Variants in KLRD1 observed in about 807,000 individuals in gnomAD.
The protein encoded by KLRD1 is natural killer cells antigen CD94.
In KLRD1, 21 loss-of-function variants were observed where a neutral mutation model predicts 22.6. That is an observed-to-expected ratio of 0.93 (90% confidence interval 0.66 to 1.34). The LOEUF (loss-of-function observed/expected upper bound fraction) is 1.34, where lower values mean the gene tolerates loss of function less well. Among genes scored for constraint, KLRD1 ranks in the 40% most tolerant of loss-of-function variants. KLRD1 has a pLI of 0.00. For missense variants in KLRD1, 183 were observed against 208.6 expected (o/e 0.88, Z 0.76); for synonymous variants, 59 against 71.1 (o/e 0.83, Z 0.85).
chr12:10,277,150 T>G (rs1949600147), intron 1 of KLRD1, among the ~76,000 whole-genome samples: 2 of 149,654 alleles, frequency 1.3e-5, no homozygotes, highest in Admixed American at 1.3e-4. Flanking sequence ...ATATTTGATA[T>G]TCCAAAGGTA....
chr12:10,274,619 A>G (rs144394410), intron 1 of KLRD1, among the ~76,000 whole-genome samples: 350 of 152,208 alleles, frequency 2.3e-3, no homozygotes, highest in African/African-American at 7.7e-3. Context: ...CTTTGTCTCT[A>G]TGGGCTGTGT....
At chr12:10,306,764 T>G (rs10845105), upstream of KLRD1, among the ~76,000 whole-genome samples, 142,427 of 152,226 alleles carry the variant, frequency 0.94, 67,398 homozygotes, top group East Asian at 1. Flanking sequence ...AACAAATTTG[T>G]TGGTGCAATG....
chr12:10,246,541 C>T (rs1273925477), intron 1 of KLRD1, among the ~76,000 whole-genome samples: 1 of 152,010 alleles, frequency 6.6e-6, no homozygotes, highest in Non-Finnish European at 1.5e-5. Context: ...AAAACTCTTC[C>T]ACATATCTAC....
rs1293219489 is a variant in KLRD1, at chr12:10,321,487, A to T, written c.*6694A>T. The T allele has an allele frequency of 6.6e-6, 1 of 152,236 alleles. No individual in the cohort carries two copies. Among genetic ancestry groups the T allele is most frequent in the Non-Finnish European group, 1.5e-5 (1 of 68,046 alleles). The allele number at this position is 152,236 out of a possible 1,614,324, so 9.4% of individuals were successfully genotyped here. The stretch of plus-strand genomic sequence containing the variant: ...GGCCAAAGATTAGACTCTTGTAAAC[A>T]GCTTCCTATATGCTCCCAATGATCC... On this transcript the variant is annotated 3_prime_UTR_variant, in exon 6 of 6. Transcript: ENST00000336164.
At chr12:10,312,993 AAG>A (rs1231970350) in intron 4 of KLRD1, among the ~76,000 whole-genome samples, 2 of 151,478 alleles carry the variant, frequency 1.3e-5, no homozygotes, top group Non-Finnish European at 1.5e-5. Context: ...TCTCAACAAA[AAG>A]AAAAAAGAAA....
At chr12:10,292,480 C>T (rs1592066064) in intron 1 of KLRD1, among the ~76,000 whole-genome samples, 1 of 152,120 alleles carries the variant, frequency 6.6e-6, no homozygotes, top group East Asian at 1.9e-4. Context: ...TTTCTTTGTA[C>T]GTCTTCATCA....
rs1195126426 is a variant in KLRD1, at chr12:10,320,564, C to T, written c.*5771C>T. Reference sequence around the variant, plus strand: ...TCTTCCTACTACTTATATTACAATGCTATAGAACACACATAAGCTAATGGA... The same window carrying T: ...TCTTCCTACTACTTATATTACAATGTTATAGAACACACATAAGCTAATGGA... On this transcript the variant is annotated 3_prime_UTR_variant, in exon 6 of 6. Transcript: ENST00000336164. 1 of 152,122 alleles carries T rather than the reference C, an allele frequency of 6.6e-6. No homozygotes were observed. Among genetic ancestry groups the T allele is most frequent in the African/African-American group, 2.4e-5 (1 of 41,430 alleles). The allele number at this position is 152,122 out of a possible 1,614,324, so 9.4% of individuals were successfully genotyped here.
In KLRD1 at chr12:10,280,479, C is replaced by T. The variant is rs558116653; in HGVS notation, c.-100-27499C>T. 5.8e-4 allele frequency among the ~76,000 whole-genome samples: 88 copies of T among 152,182 alleles called. No individual in the cohort carries two copies. In the Middle Eastern group the frequency reaches 0.014, roughly 24 times the overall value. ...TATTAATTGCAAATAGATTTTTTAG[C>T]TACCCATAGTCTAGACAATATTGTG... On this transcript the variant is annotated intron_variant, in intron 1 of 5. Coordinates refer to the KLRD1 transcript ENST00000544747.
At chr12:10,287,836 G>A (rs963004884) in intron 1 of KLRD1, among the ~76,000 whole-genome samples, 4 of 152,088 alleles carry the variant, frequency 2.6e-5, no homozygotes, top group East Asian at 1.9e-4. Context: ...TTGGGAGGCC[G>A]AGGCAGGCGG....
At chr12:10,294,000 G>A (rs1949800263) in intron 1 of KLRD1, among the ~76,000 whole-genome samples, 1 of 152,016 alleles carries the variant, frequency 6.6e-6, no homozygotes, top group African/African-American at 2.4e-5. Context: ...TTCTTCTTAT[G>A]TCTCAGCCAC....
At chr12:10,255,950 A>C (rs771321372) in intron 1 of KLRD1, among the ~76,000 whole-genome samples, 1 of 152,038 alleles carries the variant, frequency 6.6e-6, no homozygotes, top group Non-Finnish European at 1.5e-5. Context: ...TTGGAGAGCT[A>C]TCTATTTGTC....
At chr12:10,273,129 A>G (rs1239921300) in intron 1 of KLRD1, among the ~76,000 whole-genome samples, 2 of 152,216 alleles carry the variant, frequency 1.3e-5, no homozygotes, top group African/African-American at 2.4e-5. Context: ...GTTTCACTTT[A>G]AAAAGTAAAA....
intron 1 of KLRD1, among the ~76,000 whole-genome samples, chr12:10,249,227 C>G (rs992256203): frequency 1.3e-5 from 2 of 152,118 alleles, no homozygotes; most frequent in Non-Finnish European, 2.9e-5. Flanking sequence ...ACATCCCTTA[C>G]AGTAAACTAC....
At chr12:10,313,326 C>A in intron 4 of KLRD1, 84 bp from the exon 5 acceptor site, 1 of 726,742 alleles carries the variant, frequency 1.4e-6, no homozygotes, top group Non-Finnish European at 2.2e-6. Context: ...GAATCTTATT[C>A]TAAACACTGA....
chr12:10,287,232 T>G (rs1209632019), intron 1 of KLRD1, among the ~76,000 whole-genome samples: 1 of 152,124 alleles, frequency 6.6e-6, no homozygotes, highest in African/African-American at 2.4e-5. Context: ...AAAGCAAAGA[T>G]GGATATGCAT....
chr12:10,306,893 CT>C (rs1949938850), upstream of KLRD1, among the ~76,000 whole-genome samples: 1 of 152,194 alleles, frequency 6.6e-6, no homozygotes, highest in Admixed American at 6.5e-5. Flanking sequence ...GAAAGCCCAT[CT>C]TTTACAAAAG....
chr12:10,273,401 A>G (rs995917308), intron 1 of KLRD1, among the ~76,000 whole-genome samples: 2 of 152,348 alleles, frequency 1.3e-5, no homozygotes, highest in East Asian at 1.9e-4. Context: ...TATTTTGGTC[A>G]TTAACTTGTT....
intron 1 of KLRD1, among the ~76,000 whole-genome samples, chr12:10,257,338 A>T (rs1258457786): frequency 6.6e-6 from 1 of 150,460 alleles, no homozygotes; most frequent in Non-Finnish European, 1.5e-5. Context: ...TTCCTATTCT[A>T]TGACACTTAT....
At chr12:10,257,139 C>CTTTTTTTTTTT (rs55950006) in intron 1 of KLRD1, among the ~76,000 whole-genome samples, 2 of 130,282 alleles carry the variant, frequency 1.5e-5, no homozygotes, top group African/African-American at 6.3e-5. Context: ...CTTTTCTTTT[C>CTTTTTTTTTTT]TTTTTTTTTT....
Sources: allele counts gnomAD v4.1 joint callset (sites outside exome capture counted in the v4.1 genomes callset), GRCh38; gene constraint gnomAD v4.1.1; transcripts MANE v1.5; gene names NCBI Gene and HGNC (gene_info 2026-07-23, HGNC 2026-07-21).